SLC16A7: variants seen among roughly 807,000 people sequenced by gnomAD.
The protein encoded by SLC16A7 is monocarboxylate transporter 2.
A neutral mutation model predicts 34.9 loss-of-function variants in SLC16A7; 33 were observed. The observed-to-expected ratio is 0.94, with a 90% CI of 0.72 to 1.26. The LOEUF is 1.26. Among genes scored for constraint, SLC16A7 ranks in the 50% most tolerant of loss-of-function variants. The pLI is 0.00. For synonymous variants in SLC16A7, 201 were observed against 206.6 expected (o/e 0.97, Z 0.23); for missense variants, 573 against 578.1 (o/e 0.99, Z 0.09).
At chr12:59,628,224 C>T (rs1169159413) in intron 1 of SLC16A7, among the ~76,000 whole-genome samples, 1 of 151,750 alleles carries the variant, frequency 6.6e-6, no homozygotes, top group African/African-American at 2.4e-5. Flanking sequence ...GCTTAAAACC[C>T]CATATTGACC....
intron 3 of SLC16A7, among the ~76,000 whole-genome samples, chr12:59,742,982 G>T (rs947869275): frequency 3.3e-5 from 5 of 152,182 alleles, no homozygotes; most frequent in African/African-American, 1.2e-4. Context: ...GTCAAAAAAA[G>T]TAGATGACTC....
At chr12:59,766,168 G>T (rs1342709275) in intron 3 of SLC16A7, among the ~76,000 whole-genome samples, 1 of 152,108 alleles carries the variant, frequency 6.6e-6, no homozygotes, top group Non-Finnish European at 1.5e-5. Context: ...TGTGATTTTT[G>T]CACATTGATT....
intron 1 of SLC16A7, among the ~76,000 whole-genome samples, chr12:59,612,711 C>G (rs1351085331): frequency 6.6e-6 from 1 of 152,196 alleles, no homozygotes; most frequent in African/African-American, 2.4e-5. Context: ...TAAATCATCT[C>G]TCTCAAGTTC....
At chr12:59,649,308 G>A (rs978895700) in intron 1 of SLC16A7, among the ~76,000 whole-genome samples, 1 of 152,164 alleles carries the variant, frequency 6.6e-6, no homozygotes, top group African/African-American at 2.4e-5. Context: ...GGGAAAAAGT[G>A]CATAGCTGTG....
At chr12:59,675,888 T>C (rs1284464268) in intron 2 of SLC16A7, among the ~76,000 whole-genome samples, 1 of 152,192 alleles carries the variant, frequency 6.6e-6, no homozygotes, top group Non-Finnish European at 1.5e-5. Flanking sequence ...ATGTGTTTAC[T>C]AGTTTTGCAG....
Position 59,782,932 on chromosome 12 carries a change from AATAC to A in SLC16A7, c.*3254_*3257del, listed in dbSNP as rs1883349092. ...CTCATGGACTCATTGGCCTCAGCCT[AATAC>A]TAAGAAACAAGTAAAATAATTAGAT... On this transcript the variant is annotated 3_prime_UTR_variant, in exon 6 of 6. Transcript: ENST00000547379. The A allele has an allele frequency of 6.6e-6, 1 of 152,202 alleles. No individual in the cohort carries two copies. Among genetic ancestry groups the A allele is most frequent in the African/African-American group, 2.4e-5 (1 of 41,472 alleles). 9.4% of individuals were successfully genotyped at this position (152,202 alleles called of 1,614,324 possible). A position where few individuals can be genotyped will look rare whatever the true frequency, so the allele number is the denominator to read the frequency against.
intron 3 of SLC16A7, among the ~76,000 whole-genome samples, chr12:59,760,300 A>G (rs1880869391): frequency 6.6e-6 from 1 of 152,080 alleles, no homozygotes; most frequent in Non-Finnish European, 1.5e-5. Flanking sequence ...TATTAAGCTT[A>G]TGACCATGTG....
At position 59,694,166 on chromosome 12, in the gene SLC16A7, A is replaced by G. The variant is rs76428362; in HGVS notation, c.-30-10606A>G. 9.7e-4 allele frequency among the ~76,000 whole-genome samples: 148 copies of G among 152,062 alleles called. 1 individual carries two copies. The East Asian group carries it at 0.027, about 28-fold the overall frequency. On this transcript the variant is annotated intron_variant, in intron 2 of 5. Coordinates refer to ENST00000547379, the MANE Select transcript of SLC16A7 (RefSeq NM_001270623.2). The stretch of plus-strand genomic sequence containing the variant: ...TGACAAAGCCCAACTTCTGGCTATA[A>G]TAATTAAAGCTACTTTTGTAGGGGG...
intron 2 of SLC16A7, among the ~76,000 whole-genome samples, chr12:59,660,019 C>T (rs1868754348): frequency 6.6e-6 from 1 of 152,068 alleles, no homozygotes; most frequent in Non-Finnish European, 1.5e-5. Flanking sequence ...CCCAACTCTT[C>T]TAATACTAAA....
intron 3 of SLC16A7, among the ~76,000 whole-genome samples, chr12:59,754,907 CCA>C (rs1880109072): frequency 6.6e-6 from 1 of 152,142 alleles, no homozygotes; most frequent in East Asian, 1.9e-4. Flanking sequence ...AGTTTATCCA[CCA>C]TGATCAAGTG....
intron 3 of SLC16A7, among the ~76,000 whole-genome samples, chr12:59,759,751 T>C (rs900552746): frequency 1.3e-5 from 2 of 152,042 alleles, no homozygotes; most frequent in Non-Finnish European, 2.9e-5. Context: ...CTCTGAGATA[T>C]AGAACAATGC....
chr12:59,688,833 T>C (rs1871349388), intron 2 of SLC16A7, among the ~76,000 whole-genome samples: 1 of 152,032 alleles, frequency 6.6e-6, no homozygotes, highest in Non-Finnish European at 1.5e-5. Flanking sequence ...GAATCAGTTG[T>C]GGACTAGTTA....
chr12:59,663,015 C>T (rs1291708059), intron 2 of SLC16A7, among the ~76,000 whole-genome samples: 1 of 151,870 alleles, frequency 6.6e-6, no homozygotes, highest in Non-Finnish European at 1.5e-5. Flanking sequence ...CGTAACAGAC[C>T]ATGGTTTCTG....
At chr12:59,733,297 G>A (rs1220321591) in intron 3 of SLC16A7, among the ~76,000 whole-genome samples, 1 of 152,184 alleles carries the variant, frequency 6.6e-6, no homozygotes, top group Non-Finnish European at 1.5e-5. Context: ...GGTGAGCAAG[G>A]TGCAAAGCGG....
At chr12:59,751,812 TCCCTGAC>T (rs1353789154) in intron 3 of SLC16A7, among the ~76,000 whole-genome samples, 1 of 152,152 alleles carries the variant, frequency 6.6e-6, no homozygotes, top group East Asian at 1.9e-4. Flanking sequence ...CTCAAGTGGG[TCCCTGAC>T]CCCTGACCCC....
intron 3 of SLC16A7, among the ~76,000 whole-genome samples, chr12:59,764,707 C>T (rs570459994): frequency 6.6e-6 from 1 of 152,158 alleles, no homozygotes; most frequent in South Asian, 2.1e-4. Flanking sequence ...GTATATGTGC[C>T]ATATTTTCTT....
At chr12:59,615,028 A>G (rs1253402641) in intron 1 of SLC16A7, among the ~76,000 whole-genome samples, 2 of 150,966 alleles carry the variant, frequency 1.3e-5, no homozygotes, top group East Asian at 3.9e-4. Context: ...AAAAATAAAT[A>G]AATAAATAAA....
intron 1 of SLC16A7, among the ~76,000 whole-genome samples, chr12:59,638,080 G>T (rs1158503184): frequency 6.6e-6 from 1 of 152,116 alleles, no homozygotes; most frequent in South Asian, 2.1e-4. Flanking sequence ...AATGAGCTAA[G>T]ATTCATTTTG....
chr12:59,775,576 A>G (rs1265598252), intron 5 of SLC16A7, 101 bp downstream of exon 5: 2 of 818,700 alleles, frequency 2.4e-6, no homozygotes. Flanking sequence ...TAATAATACT[A>G]ATAGCCTGAA....
Sources: gnomAD v4.1 joint callset for allele counts (sites outside exome capture counted in the v4.1 genomes callset) on GRCh38, gnomAD v4.1.1 for gene constraint, MANE v1.5 for transcripts, NCBI Gene and HGNC (gene_info 2026-07-23, HGNC 2026-07-21) for gene names.